The following TMEM44 variants were observed in gnomAD, a reference collection of about 807,000 sequenced individuals.
TMEM44 encodes the protein transmembrane protein 44.
In TMEM44, 43 loss-of-function variants were observed where a neutral mutation model predicts 47.8. That is an observed-to-expected ratio of 0.90 (90% CI 0.70 to 1.16). The LOEUF (loss-of-function observed/expected upper bound fraction) is 1.16. Among genes scored for constraint, TMEM44 ranks in the 50% most tolerant of loss-of-function variants. The probability of loss-of-function intolerance (pLI) is 0.00; values close to 1 mark genes in which losing one functional copy is unlikely to be tolerated. For missense variants in TMEM44, 568 were observed against 555.2 expected (o/e 1.02, Z -0.23); for synonymous variants, 277 against 238.8 (o/e 1.16, Z -1.48).
chr3:194,591,051 A>G (rs1227180468), intron 9 of TMEM44, among the ~76,000 whole-genome samples: 1 of 146,944 alleles, frequency 6.8e-6, no homozygotes, highest in African/African-American at 2.5e-5. Flanking sequence ...AAAATTAGCC[A>G]AGTATAGTGG....
intron 1 of TMEM44, among the ~76,000 whole-genome samples, chr3:194,632,122 T>A (rs1560208731): frequency 6.6e-6 from 1 of 152,200 alleles, no homozygotes; most frequent in African/African-American, 2.4e-5. Context: ...CAGGGTTCCC[T>A]ACAGAAAGTG....
chr3:194,595,855 G>C (rs1713339596), intron 9 of TMEM44, among the ~76,000 whole-genome samples: 1 of 152,036 alleles, frequency 6.6e-6, no homozygotes, highest in African/African-American at 2.4e-5. Context: ...TCAAACTCCT[G>C]ACCTTGTGAT....
chr3:194,625,013 G>A (rs778406797), intron 3 of TMEM44, among the ~76,000 whole-genome samples: 11 of 152,018 alleles, frequency 7.2e-5, no homozygotes, highest in African/African-American at 1.2e-4. Flanking sequence ...CACCATGCCC[G>A]GCCCCCTCAT....
In TMEM44 at chr3:194,623,684, G is replaced by T. The variant is rs776302802; in HGVS notation, c.370C>A (p.Arg124=). 1.9e-6 allele frequency: 3 copies of T among 1,613,690 alleles called. No individual in the cohort carries two copies. Among genetic ancestry groups the T allele is most frequent in the Admixed American group, 1.7e-5 (1 of 59,972 alleles). Residue 124 remains arginine (R), a synonymous_variant, in exon 4 of 10, where the codon CGA becomes AGA. Coordinates refer to ENST00000347147, the MANE Select transcript of TMEM44 (RefSeq NM_001011655.3). The part of the protein sequence containing the change: ...KFKSNSDREA[R]ERKRRRQLRA... ...AGCTGCCGCCTCCTCTTCCTCTCTC[G>T]GGCTTCCCGATCTGCAACAGACACC...
At chr3:194,590,906 A>G (rs901037435) in intron 9 of TMEM44, among the ~76,000 whole-genome samples, 1 of 152,180 alleles carries the variant, frequency 6.6e-6, no homozygotes, top group Non-Finnish European at 1.5e-5. Flanking sequence ...TCTTTAAACT[A>G]GTACAGGCCG....
chr3:194,628,331 A>G lies in TMEM44; in HGVS notation c.264+52T>C, dbSNP rs1179517512. ...CACGGCTGCAGCAGAGAGAAAGGCCAGGCCTCCCTTAGTGCTGGCCTAAGC... is the reference window on the plus strand; with the variant it reads ...CACGGCTGCAGCAGAGAGAAAGGCCGGGCCTCCCTTAGTGCTGGCCTAAGC... On this transcript the variant is annotated intron_variant, in intron 2 of 9. Coordinates refer to ENST00000347147, the MANE Select transcript of TMEM44 (RefSeq NM_001011655.3). 2.5e-6 allele frequency: 4 copies of G among 1,574,766 alleles called. No individual in the cohort carries two copies. In the Admixed American group the frequency reaches 7.4e-5, roughly 29 times the overall value.
chr3:194,592,469 G>A (rs1712879936), intron 9 of TMEM44, among the ~76,000 whole-genome samples: 1 of 152,124 alleles, frequency 6.6e-6, no homozygotes, highest in Non-Finnish European at 1.5e-5. Flanking sequence ...CACTACTACT[G>A]TTGTTCCAAA....
At chr3:194,615,426 A>C in intron 7 of TMEM44, 143 bp downstream of exon 7, 1 of 1,183,816 alleles carries the variant, frequency 8.4e-7, no homozygotes, top group South Asian at 1.5e-5. Context: ...CCTCAGCGAG[A>C]CAGGACAGCT....
At chr3:194,593,564 T>C (rs1713017852) in intron 9 of TMEM44, among the ~76,000 whole-genome samples, 1 of 152,162 alleles carries the variant, frequency 6.6e-6, no homozygotes, top group South Asian at 2.1e-4. Flanking sequence ...AAACCTCAAA[T>C]ATGTCTGACT....
chr3:194,602,339 C>T (rs999198831), intron 9 of TMEM44, among the ~76,000 whole-genome samples: 4 of 152,180 alleles, frequency 2.6e-5, no homozygotes, highest in Admixed American at 1.3e-4. Flanking sequence ...AGGTGGCTCA[C>T]GCCTGTAATC....
At chr3:194,600,576 A>G (rs75010093) in intron 9 of TMEM44, among the ~76,000 whole-genome samples, 65,106 of 151,674 alleles carry the variant, frequency 0.43, 14,755 homozygotes, top group East Asian at 0.77. Context: ...GTGAAACCTC[A>G]TCTCTACTAA....
intron 1 of TMEM44, among the ~76,000 whole-genome samples, chr3:194,631,770 G>A (rs1191955644): frequency 1.3e-5 from 2 of 152,122 alleles, no homozygotes; most frequent in Non-Finnish European, 2.9e-5. Flanking sequence ...CCTTAACCCA[G>A]CCCACACACC....
intron 9 of TMEM44, among the ~76,000 whole-genome samples, chr3:194,600,512 G>A (rs953477590): frequency 9.9e-5 from 15 of 152,122 alleles, no homozygotes; most frequent in Middle Eastern, 3.4e-3. Context: ...ACTTTGGGAG[G>A]CTGAGGTGGG....
At chr3:194,618,892 G>C (rs1196688723) in intron 5 of TMEM44, among the ~76,000 whole-genome samples, 1 of 152,230 alleles carries the variant, frequency 6.6e-6, no homozygotes, top group Non-Finnish European at 1.5e-5. Context: ...CCGAGAGACA[G>C]CACAGTCCCA....
intron 5 of TMEM44, among the ~76,000 whole-genome samples, chr3:194,621,983 AT>A (rs1716592353): frequency 1.3e-5 from 2 of 152,226 alleles, no homozygotes; most frequent in African/African-American, 4.8e-5. Flanking sequence ...AAGTGCTGGC[AT>A]TACAGGCATG....
chr3:194,624,997 G>T (rs569151169), intron 3 of TMEM44, among the ~76,000 whole-genome samples: 172 of 152,244 alleles, frequency 1.1e-3, no homozygotes, highest in African/African-American at 4.0e-3. Flanking sequence ...GATTACAGGT[G>T]TGGGCCACCA....
chr3:194,633,059 C>CGACAGCCCCA lies in TMEM44; in HGVS notation c.137+19_137+20insTGGGGCTGTC. The CGACAGCCCCA allele has an allele frequency of 1.3e-6, 2 of 1,546,862 alleles. No individual in the cohort carries two copies. The highest frequency in any genetic ancestry group is 1.7e-6 in the Non-Finnish European group (2 of 1,145,766). Reference sequence around the variant, plus strand: ...GCCCGTTTCCCCGCCCGACAGCCCCCCGACCCGTGGCCCCATTACAGCGCG... The same window carrying CGACAGCCCCA: ...GCCCGTTTCCCCGCCCGACAGCCCCCGACAGCCCCACGACCCGTGGCCCCATTACAGCGCG... On this transcript the variant is annotated intron_variant, in intron 1 of 9. Coordinates refer to ENST00000347147, the MANE Select transcript of TMEM44 (RefSeq NM_001011655.3).
Position 194,594,133 on chromosome 3 carries a change from A to ATCTGTCTGTCTGTCTGTCTGTCTG in TMEM44, c.1177-5495_1177-5494insCAGACAGACAGACAGACAGACAGA, listed in dbSNP as rs1196298353. Among the ~76,000 whole-genome samples the ATCTGTCTGTCTGTCTGTCTGTCTG allele has an allele frequency of 7.5e-3, 1,075 of 143,970 alleles. 16 individuals are homozygous for ATCTGTCTGTCTGTCTGTCTGTCTG. The highest frequency in any genetic ancestry group is 0.042 in the East Asian group (211 of 4,966). The allele number at this position is 143,970 out of a possible 152,430, so 94.4% of individuals were successfully genotyped here. A position where few individuals can be genotyped will look rare whatever the true frequency, so the allele number is the denominator to read the frequency against. On this transcript the variant is annotated intron_variant, in intron 9 of 9. Transcript: ENST00000347147. The stretch of plus-strand genomic sequence containing the variant: ...GGCCTAATTTTCTATCTATCTATCT[A>ATCTGTCTGTCTGTCTGTCTGTCTG]TCTATCTATCTATCTATCTATCTAT...
chr3:194,590,816 G>C (rs1336133972), intron 9 of TMEM44, among the ~76,000 whole-genome samples: 1 of 152,146 alleles, frequency 6.6e-6, no homozygotes, highest in Non-Finnish European at 1.5e-5. Flanking sequence ...TTCTTAAATG[G>C]CTGCTGAAGA....
Sources: gnomAD v4.1 joint callset for allele counts (sites outside exome capture counted in the v4.1 genomes callset) on GRCh38, gnomAD v4.1.1 for gene constraint, MANE v1.5 for transcripts, NCBI Gene and HGNC (gene_info 2026-07-23, HGNC 2026-07-21) for gene names.